ALG8: variants seen among roughly 807,000 people sequenced by gnomAD.
The protein encoded by ALG8 is dolichyl pyrophosphate Glc1Man9GlcNAc2 alpha-1,3-glucosyltransferase.
In ALG8, 48 loss-of-function variants were observed where a neutral mutation model predicts 70.2. That is an observed-to-expected ratio of 0.68 (90% CI 0.54 to 0.87). The LOEUF (loss-of-function observed/expected upper bound fraction) is 0.87, where lower values mean the gene tolerates loss of function less well. Among genes scored for constraint, ALG8 ranks in the 40% least tolerant of loss-of-function variants. The pLI is 0.00. For synonymous variants in ALG8, 234 were observed against 229.0 expected (o/e 1.02, Z -0.20); for missense variants, 572 against 608.7 (o/e 0.94, Z 0.64).
At chr11:78,112,892 G>C in intron 7 of ALG8, 122 bp from the exon 8 acceptor site, 1 of 1,233,578 alleles carries the variant, frequency 8.1e-7, no homozygotes. Context: ...GTTCTAGTAA[G>C]TAAGTGGTTA....
chr11:78,109,344 C>A, intron 9 of ALG8, 98 bp downstream of exon 9: 3 of 1,510,776 alleles, frequency 2.0e-6, no homozygotes, highest in Non-Finnish European at 2.8e-6. Flanking sequence ...TGAAATTTAT[C>A]CTACAGTTGG....
At chr11:78,130,089 C>T (rs553424434) in intron 1 of ALG8, among the ~76,000 whole-genome samples, 22 of 152,262 alleles carry the variant, frequency 1.4e-4, no homozygotes, top group Middle Eastern at 6.8e-3. Flanking sequence ...TGATGGCTCA[C>T]GCCTGTAATC....
At chr11:78,108,438 A>G (rs1273755499) in intron 9 of ALG8, among the ~76,000 whole-genome samples, 1 of 152,216 alleles carries the variant, frequency 6.6e-6, no homozygotes, top group African/African-American at 2.4e-5. Flanking sequence ...TCAAAAAAAA[A>G]AGAAATTAAT....
chr11:78,132,833 A>ATTTTTTTT (rs55934753), intron 1 of ALG8, among the ~76,000 whole-genome samples: 11 of 113,942 alleles, frequency 9.7e-5, no homozygotes, highest in Non-Finnish European at 1.4e-4. Flanking sequence ...TTCTTCTTCC[A>ATTTTTTTT]TTTTTTTTTT....
At chr11:78,119,585 C>A (rs1248918725) in intron 4 of ALG8, among the ~76,000 whole-genome samples, 1 of 151,994 alleles carries the variant, frequency 6.6e-6, no homozygotes, top group African/African-American at 2.4e-5. Flanking sequence ...CATACCACCA[C>A]ACCCAGCTAA....
chr11:78,113,704 C>T (rs1174936424), intron 7 of ALG8, among the ~76,000 whole-genome samples, 182 bp downstream of exon 7: 1 of 114,874 alleles, frequency 8.7e-6, no homozygotes, highest in African/African-American at 3.9e-5. Context: ...CACAGTGAGA[C>T]TCCATCTTAA....
chr11:78,114,506 G>A, intron 5 of ALG8, 114 bp from the exon 6 acceptor site: 4 of 1,292,792 alleles, frequency 3.1e-6, no homozygotes, highest in Non-Finnish European at 4.3e-6. Flanking sequence ...GGAAAAACGG[G>A]TGAAATTCAA....
chr11:78,108,726 C>A (rs546500156), intron 9 of ALG8, among the ~76,000 whole-genome samples: 2 of 152,284 alleles, frequency 1.3e-5, no homozygotes, highest in South Asian at 4.1e-4. Flanking sequence ...AACAGCCCAA[C>A]AGAGCTTAAT....
chr11:78,139,378 C>A lies in ALG8; in HGVS notation c.95+116G>T, dbSNP rs1861696713. ...AGAAAGCTTAGCAAAGGCAGGATAGCGACAAACACGACCTAAAGTTTTCTC... is the reference window on the plus strand; with the variant it reads ...AGAAAGCTTAGCAAAGGCAGGATAGAGACAAACACGACCTAAAGTTTTCTC... On this transcript the variant is annotated intron_variant, in intron 1 of 12. Coordinates refer to ENST00000299626, the MANE Select transcript of ALG8 (RefSeq NM_024079.5). 3 of 1,039,672 alleles carry A rather than the reference C, an allele frequency of 2.9e-6. No homozygotes were observed. In the South Asian group the frequency reaches 4.1e-5, roughly 14 times the overall value. 64.4% of individuals were successfully genotyped at this position (1,039,672 alleles called of 1,614,324 possible).
intron 2 of ALG8, among the ~76,000 whole-genome samples, chr11:78,125,034 T>C (rs1385031012): frequency 7.3e-6 from 1 of 137,900 alleles, no homozygotes; most frequent in African/African-American, 3.2e-5. Flanking sequence ...CTCAGTTTTC[T>C]TTTTCTTTTT....
chr11:78,127,712 C>CTTTTTTTTTTTTTTTTTTTT (rs1192507872), intron 1 of ALG8, among the ~76,000 whole-genome samples: 1 of 132,910 alleles, frequency 7.5e-6, no homozygotes, highest in Non-Finnish European at 1.6e-5. Flanking sequence ...TTTTTCTTTT[C>CTTTTTTTTTTTTTTTTTTTT]TTTTTTTTTT....
At chr11:78,131,170 G>A (rs677271) in intron 1 of ALG8, among the ~76,000 whole-genome samples, 28,881 of 152,020 alleles carry the variant, frequency 0.19, 3,096 homozygotes, top group Middle Eastern at 0.29. Flanking sequence ...TTGTTGGAGT[G>A]CTGGGATTAC....
chr11:78,139,600 C>G lies in ALG8; in HGVS notation c.-12G>C, dbSNP rs780668340. 2 of 1,551,950 alleles carry G rather than the reference C, an allele frequency of 1.3e-6. No homozygotes were observed. On this transcript the variant is annotated 5_prime_UTR_variant, in exon 1 of 13. Coordinates refer to ENST00000299626, the MANE Select transcript of ALG8 (RefSeq NM_024079.5). ...GTGAGCGCCGCCATTGCTGCGGCAC[C>G]GCACGCTTCCCACCAACTTGATCCA...
At chr11:78,129,336 C>T (rs933300496) in intron 1 of ALG8, among the ~76,000 whole-genome samples, 3 of 151,346 alleles carry the variant, frequency 2.0e-5, no homozygotes, top group Non-Finnish European at 2.9e-5. Flanking sequence ...AGGAGAATGG[C>T]ATGAACCCAG....
chr11:78,118,427 C>T lies in ALG8; in HGVS notation c.546+755G>A, dbSNP rs1314085364. ...GGTCAGGAGTTTGAGACCAGCCTGG[C>T]CAACATGTTGAAACCCCATCTCTAA... On this transcript the variant is annotated intron_variant, in intron 5 of 12. Transcript: ENST00000299626. Among the ~76,000 whole-genome samples the T allele has an allele frequency of 5.4e-5, 8 of 149,390 alleles. No individual in the cohort carries two copies. The South Asian group carries it at 1.3e-3, about 24-fold the overall frequency.
intron 1 of ALG8, among the ~76,000 whole-genome samples, chr11:78,138,364 AAT>A (rs1491037742): frequency 1.1e-4 from 17 of 148,470 alleles, no homozygotes; most frequent in Middle Eastern, 3.5e-3. Flanking sequence ...AAAAAAAAAA[AAT>A]AACAAACAAA....
intron 5 of ALG8, among the ~76,000 whole-genome samples, chr11:78,115,860 G>C (rs573648179): frequency 6.6e-6 from 1 of 152,290 alleles, no homozygotes; most frequent in African/African-American, 2.4e-5. Context: ...ACCCCTCACA[G>C]TTTCAGAATA....
At chr11:78,101,484 C>T (rs530943711) in intron 12 of ALG8, among the ~76,000 whole-genome samples, 1 of 152,206 alleles carries the variant, frequency 6.6e-6, no homozygotes, top group Admixed American at 6.5e-5. Context: ...CAAAAATTAG[C>T]CGACCAGGGT....
At chr11:78,115,423 G>C (rs975529869) in intron 5 of ALG8, among the ~76,000 whole-genome samples, 1 of 150,784 alleles carries the variant, frequency 6.6e-6, no homozygotes, top group African/African-American at 2.5e-5. Flanking sequence ...TGTTCTTGTT[G>C]CCCAGGCTGG....
Sources: allele counts gnomAD v4.1 joint callset (sites outside exome capture counted in the v4.1 genomes callset), GRCh38; gene constraint gnomAD v4.1.1; transcripts MANE v1.5; gene names NCBI Gene and HGNC (gene_info 2026-07-23, HGNC 2026-07-21).